The following KATNIP variants were observed in gnomAD, a reference collection of about 807,000 sequenced individuals.
The protein encoded by KATNIP is katanin interacting protein.
KATNIP carries 126 observed loss-of-function variants against 174.0 expected under a neutral mutation model. The ratio of observed to expected loss-of-function variants is 0.72; its 90% CI spans 0.63 to 0.84. The LOEUF is 0.84. Ranked by LOEUF, KATNIP falls within the 40% of genes least tolerant of loss-of-function variation. The pLI is 0.00. For synonymous variants in KATNIP, 810 were observed against 835.7 expected (o/e 0.97, Z 0.53); for missense variants, 1,958 against 2,109.7 (o/e 0.93, Z 1.41).
At chr16:27,733,438 A>G (rs2080769947) in intron 14 of KATNIP, among the ~76,000 whole-genome samples, 2 of 152,176 alleles carry the variant, frequency 1.3e-5, no homozygotes, top group Admixed American at 6.6e-5. Flanking sequence ...CAAACCAGCC[A>G]CAGAGTTTCA....
At chr16:27,749,520 A>C in intron 15 of KATNIP, 64 bp from the exon 16 acceptor site, 1 of 1,499,072 alleles carries the variant, frequency 6.7e-7, no homozygotes, top group Admixed American at 2.4e-5. Context: ...GACAGTCTCT[A>C]ATGGTCCCCA....
intron 1 of KATNIP, among the ~76,000 whole-genome samples, chr16:27,557,962 A>C (rs753033883): frequency 1.3e-5 from 2 of 152,178 alleles, no homozygotes; most frequent in Non-Finnish European, 2.9e-5. Flanking sequence ...ACCCGAGTTA[A>C]GTGGAGACTT....
At chr16:27,556,460 A>T (rs1460175339) in intron 1 of KATNIP, among the ~76,000 whole-genome samples, 1 of 152,232 alleles carries the variant, frequency 6.6e-6, no homozygotes, top group Non-Finnish European at 1.5e-5. Context: ...ATTAGACAAA[A>T]GTTCAGCACA....
intron 4 of KATNIP, among the ~76,000 whole-genome samples, chr16:27,629,483 A>G (rs2076426494): frequency 6.6e-6 from 1 of 152,130 alleles, no homozygotes; most frequent in African/African-American, 2.4e-5. Flanking sequence ...GTAATATTTG[A>G]TTTTACCACT....
At chr16:27,671,189 T>A (rs1180181835) in intron 6 of KATNIP, among the ~76,000 whole-genome samples, 8 of 152,132 alleles carry the variant, frequency 5.3e-5, no homozygotes, top group Non-Finnish European at 1.5e-5. Flanking sequence ...CAAGACTCCA[T>A]CTCAAAAATA....
chr16:27,587,399 C>T (rs2090943808), intron 2 of KATNIP, among the ~76,000 whole-genome samples: 2 of 152,234 alleles, frequency 1.3e-5, no homozygotes, highest in Non-Finnish European at 1.5e-5. Context: ...GCCCTGCATT[C>T]GACATTTAAT....
At position 27,628,539 on chromosome 16, in the gene KATNIP, C is replaced by T. The variant is rs538094946; in HGVS notation, c.141-122C>T. On this transcript the variant is annotated intron_variant, in intron 3 of 27. Coordinates refer to ENST00000261588, the MANE Select transcript of KATNIP (RefSeq NM_015202.5). Reference sequence around the variant, plus strand: ...GTTTGTAGACAAACAGCTGGGCACACGCCCCCTGGGCTCTGATTAGAGACG... The same window carrying T: ...GTTTGTAGACAAACAGCTGGGCACATGCCCCCTGGGCTCTGATTAGAGACG... 1.6e-5 allele frequency: 17 copies of T among 1,060,998 alleles called. No individual in the cohort carries two copies. The East Asian group carries it at 1.7e-4, about 10-fold the overall frequency. The allele number at this position is 1,060,998 out of a possible 1,614,324, so 65.7% of individuals were successfully genotyped here. A position where few individuals can be genotyped will look rare whatever the true frequency, so the allele number is the denominator to read the frequency against.
intron 2 of KATNIP, among the ~76,000 whole-genome samples, chr16:27,614,757 A>G (rs902557593): frequency 1.1e-4 from 17 of 152,234 alleles, no homozygotes; most frequent in African/African-American, 3.6e-4. Context: ...ACATGAGGGT[A>G]CATCATCCTG....
chr16:27,689,835 T>C (rs1408100529), intron 8 of KATNIP, among the ~76,000 whole-genome samples: 1 of 152,172 alleles, frequency 6.6e-6, no homozygotes, highest in East Asian at 1.9e-4. Context: ...TACTCACATG[T>C]CTGGCAGTTT....
At chr16:27,723,888 A>C (rs1486803782) in intron 14 of KATNIP, among the ~76,000 whole-genome samples, 2 of 152,012 alleles carry the variant, frequency 1.3e-5, no homozygotes, top group East Asian at 3.9e-4. Flanking sequence ...CCATCCACCT[A>C]GTGATCACGT....
intron 12 of KATNIP, among the ~76,000 whole-genome samples, chr16:27,706,977 A>C (rs1043264951): frequency 6.6e-6 from 1 of 152,138 alleles, no homozygotes; most frequent in African/African-American, 2.4e-5. Context: ...ATGGCTGTGG[A>C]GCAGGAGGAA....
chr16:27,653,777 G>A (rs2077186556), intron 6 of KATNIP, among the ~76,000 whole-genome samples: 1 of 151,766 alleles, frequency 6.6e-6, no homozygotes, highest in South Asian at 2.1e-4. Context: ...TCCTGCGTCA[G>A]CCTCCCGAAG....
intron 6 of KATNIP, chr16:27,654,820 C>G: frequency 8.0e-7 from 1 of 1,254,092 alleles, no homozygotes; most frequent in Non-Finnish European, 1.1e-6. Context: ...TTAAGATGGA[C>G]TCCGTGAGAG....
At chr16:27,603,883 C>T (rs987699597) in intron 2 of KATNIP, among the ~76,000 whole-genome samples, 6 of 151,862 alleles carry the variant, frequency 4.0e-5, no homozygotes, top group Non-Finnish European at 8.8e-5. Flanking sequence ...ATTATAGGCA[C>T]GTGCCACCAT....
chr16:27,559,106 T>C (rs1333262390), intron 1 of KATNIP, among the ~76,000 whole-genome samples: 3 of 152,074 alleles, frequency 2.0e-5, no homozygotes, highest in Admixed American at 6.6e-5. Flanking sequence ...CAAATGGGAG[T>C]AGGCTAATGC....
chr16:27,619,208 G>A (rs767060888), intron 3 of KATNIP, among the ~76,000 whole-genome samples: 10 of 152,182 alleles, frequency 6.6e-5, no homozygotes, highest in Non-Finnish European at 1.5e-4. Flanking sequence ...GTGGAACAGT[G>A]GATACCTGAG....
chr16:27,563,472 C>A (rs1323250988), intron 1 of KATNIP, among the ~76,000 whole-genome samples: 3 of 152,112 alleles, frequency 2.0e-5, no homozygotes, highest in Non-Finnish European at 4.4e-5. Context: ...GAGCTGTGAT[C>A]ACACCACTGC....
chr16:27,730,157 C>T (rs2080614810), intron 14 of KATNIP, among the ~76,000 whole-genome samples: 1 of 152,242 alleles, frequency 6.6e-6, no homozygotes, highest in Non-Finnish European at 1.5e-5. Flanking sequence ...GCTGTCACAG[C>T]CTCCCAGAGC....
At chr16:27,580,023 C>T (rs746342930) in intron 2 of KATNIP, among the ~76,000 whole-genome samples, 10 of 152,184 alleles carry the variant, frequency 6.6e-5, no homozygotes, top group Admixed American at 5.9e-4. Context: ...GAGGTTATCT[C>T]GACAGCCCTC....
Sources: gnomAD v4.1 joint callset for allele counts (sites outside exome capture counted in the v4.1 genomes callset) on GRCh38, gnomAD v4.1.1 for gene constraint, MANE v1.5 for transcripts, NCBI Gene and HGNC (gene_info 2026-07-23, HGNC 2026-07-21) for gene names.